Variants in FAM217B observed in about 807,000 individuals in gnomAD.
FAM217B encodes protein FAM217B.
For synonymous variants in FAM217B, 163 were observed against 173.0 expected (o/e 0.94, Z 0.45); for missense variants, 463 against 456.9 (o/e 1.01, Z -0.12).
rs565787231 is a variant in FAM217B at position 59,948,589 on chromosome 20, T to C, written c.*3494T>C. The C allele has an allele frequency of 1.2e-5, 2 of 167,210 alleles. No homozygotes were observed. Among genetic ancestry groups the C allele is most frequent in the South Asian group, 4.1e-4 (2 of 4,830 alleles). The allele number at this position is 167,210 out of a possible 1,614,324, so 10.4% of individuals were successfully genotyped here. A position where few individuals can be genotyped will look rare whatever the true frequency, so the allele number is the denominator to read the frequency against. ...TGCTGTTATATTGTATGTTTAGTTT[T>C]GTATGTGATAAACAGAATTGATGTA... On this transcript the variant is annotated 3_prime_UTR_variant, in exon 4 of 4. Coordinates refer to ENST00000360816, the MANE Select transcript of FAM217B (RefSeq NM_022106.3).
At chr20:59,939,498 C>T (rs2060884831), upstream of FAM217B, 1 of 1,612,248 alleles carries the variant, frequency 6.2e-7, no homozygotes, top group Non-Finnish European at 8.5e-7. Context: ...CAGGTCCTGG[C>T]TGCTGCAGCA....
In FAM217B at chr20:59,944,011, A is replaced by G. The variant is rs756950901; in HGVS notation, c.68A>G (p.Lys23Arg). 1.2e-6 allele frequency: 2 copies of G among 1,613,890 alleles called. No homozygotes were observed. Among genetic ancestry groups the G allele is most frequent in the Non-Finnish European group, 1.7e-6 (2 of 1,179,964 alleles). ...AATTCTTCAGGAAAAAGGCAGAGTA[A>G]ATCCCAAGTACCCCACGCTTCTTCC... ...SKNSSGKRQS[K>R]SQVPHASSQP... Residue 23 changes from lysine to arginine, a missense_variant, in exon 4 of 4, where the codon AAA becomes AGA. Coordinates refer to ENST00000360816, the MANE Select transcript of FAM217B (RefSeq NM_022106.3).
At chr20:59,939,867 CG>C (rs1378992413), upstream of FAM217B, 9 of 1,246,890 alleles carry the variant, frequency 7.2e-6, no homozygotes, top group Non-Finnish European at 7.0e-6. Flanking sequence ...GCTGAGGCTC[CG>C]GGGGCCGAGC....
At chr20:59,939,548 C>A (rs752897007), upstream of FAM217B, 1 of 1,611,714 alleles carries the variant, frequency 6.2e-7, no homozygotes, top group Admixed American at 1.7e-5. Flanking sequence ...GCACGTGCAG[C>A]GGCACGGACG....
At chr20:59,940,231 A>C (rs555246099), upstream of FAM217B, 1 of 269,536 alleles carries the variant, frequency 3.7e-6, no homozygotes, top group South Asian at 1.7e-4. Context: ...GCTTCCTTGG[A>C]GGTTCTTACA....
upstream of FAM217B, chr20:59,937,374 A>G (rs759527897): frequency 2.6e-5 from 4 of 152,658 alleles, no homozygotes; most frequent in Non-Finnish European, 5.9e-5. Context: ...TAATAGCCAG[A>G]GATTGTGCAA....
intron 1 of FAM217B, among the ~76,000 whole-genome samples, chr20:59,940,944 C>A (rs200203822): frequency 6.6e-6 from 1 of 152,320 alleles, no homozygotes; most frequent in East Asian, 1.9e-4. Flanking sequence ...AGTTATTACC[C>A]GCTGATGACT....
At position 59,944,535 on chromosome 20, in the gene FAM217B, T is replaced by C; in HGVS notation, c.592T>C (p.Cys198Arg). The C allele has an allele frequency of 6.2e-7, 1 of 1,613,708 alleles. No individual in the cohort carries two copies. Among genetic ancestry groups the C allele is most frequent in the Non-Finnish European group, 8.5e-7 (1 of 1,179,942 alleles). The stretch of plus-strand genomic sequence containing the variant: ...GTGGCTGCAAGTCCAGACTGTACAG[T>C]GTGAAAAAGCAAAGGGGGGCAAAGC... ...LEWLQVQTVQCEKAKGGKARP... is the reference protein window; with the variant it reads ...LEWLQVQTVQREKAKGGKARP... Residue 198 changes from cysteine (C) to arginine (R), a missense_variant, in exon 4 of 4, where the codon TGT (cysteine) becomes CGT (arginine). Coordinates refer to ENST00000360816, the MANE Select transcript of FAM217B (RefSeq NM_022106.3).
chr20:59,942,676 A>G (rs1052846980), intron 3 of FAM217B, among the ~76,000 whole-genome samples, 164 bp downstream of exon 3: 3 of 152,176 alleles, frequency 2.0e-5, no homozygotes, highest in African/African-American at 4.8e-5. Context: ...TAAGCATAAT[A>G]GTGGATAAGG....
Position 59,947,687 on chromosome 20 carries a change from C to A in FAM217B, c.*2592C>A, listed in dbSNP as rs548742372. ...TTCTGCCTCAGATTGACTATTTTAACCAATATTGTCACGACTAGATCATAG... is the reference window on the plus strand; with the variant it reads ...TTCTGCCTCAGATTGACTATTTTAAACAATATTGTCACGACTAGATCATAG... On this transcript the variant is annotated 3_prime_UTR_variant, in exon 4 of 4. Coordinates refer to ENST00000360816, the MANE Select transcript of FAM217B (RefSeq NM_022106.3). 1.2e-5 allele frequency: 2 copies of A among 167,064 alleles called. No individual in the cohort carries two copies. The highest frequency in any genetic ancestry group is 4.1e-4 in the South Asian group (2 of 4,826). 10.3% of individuals were successfully genotyped at this position (167,064 alleles called of 1,614,324 possible). A position where few individuals can be genotyped will look rare whatever the true frequency, so the allele number is the denominator to read the frequency against.
At chr20:59,939,847 C>A, upstream of FAM217B, 11 of 1,243,764 alleles carry the variant, frequency 8.8e-6, 1 homozygote, top group South Asian at 7.7e-5. Flanking sequence ...CCGTCCAGGT[C>A]CGACAGGCAG....
upstream of FAM217B, chr20:59,939,466 C>G: frequency 6.2e-7 from 1 of 1,612,024 alleles, no homozygotes; most frequent in Non-Finnish European, 8.5e-7. Flanking sequence ...AAATCGGGCA[C>G]CAGGCAATGC....
chr20:59,939,471 C>T (rs769836216), upstream of FAM217B: 1 of 1,612,100 alleles, frequency 6.2e-7, no homozygotes, highest in Non-Finnish European at 8.5e-7. Context: ...GGGCACCAGG[C>T]AATGCAGGGT....
rs1209992023 is a variant in FAM217B, at chr20:59,948,561, A to G, written c.*3466A>G. 1.8e-5 allele frequency: 3 copies of G among 166,924 alleles called. No individual in the cohort carries two copies. The highest frequency in any genetic ancestry group is 3.8e-4 in the East Asian group (2 of 5,196). The allele number at this position is 166,924 out of a possible 1,614,324, so 10.3% of individuals were successfully genotyped here. A position where few individuals can be genotyped will look rare whatever the true frequency, so the allele number is the denominator to read the frequency against. The stretch of plus-strand genomic sequence containing the variant: ...CTTGAAAATATTCAGCATGTTTGTT[A>G]TTTGCTGTTATATTGTATGTTTAGT... On this transcript the variant is annotated 3_prime_UTR_variant, in exon 4 of 4. Transcript: ENST00000360816.
At position 59,944,654 on chromosome 20, in the gene FAM217B, C is replaced by G. The variant is rs752803450; in HGVS notation, c.711C>G (p.His237Gln). The change falls in exon 4 of 4, where the codon CAC (histidine) becomes CAG (glutamine). Residue 237 changes from histidine (H) to glutamine (Q), a missense_variant. Transcript: ENST00000360816. ...GTGCTCTGTCCAAGCCACTACCTCA[C>G]CAGGAAGGGGCTTCAAAGTCAGGCC... is the stretch of plus-strand genomic sequence containing the variant. ...IASALSKPLP[H>Q]QEGASKSGPS... The G allele has an allele frequency of 1.8e-5, 29 of 1,613,970 alleles. No homozygotes were observed. Among genetic ancestry groups the G allele is most frequent in the Non-Finnish European group, 2.4e-5 (28 of 1,180,026 alleles).
chr20:59,936,552 A>G (rs1328725255), upstream of FAM217B: 1 of 152,246 alleles, frequency 6.6e-6, no homozygotes, highest in African/African-American at 2.4e-5. Flanking sequence ...TACATTAATG[A>G]TCACATTCCC....
rs573258653 is a variant in FAM217B at position 59,944,207 on chromosome 20, T to G, written c.264T>G (p.Asn88Lys). 1 of 1,614,182 alleles carries G rather than the reference T, an allele frequency of 6.2e-7. No individual in the cohort carries two copies. Among genetic ancestry groups the G allele is most frequent in the South Asian group, 1.1e-5 (1 of 91,070 alleles). Residue 88 changes from asparagine (N) to lysine (K), a missense_variant, in exon 4 of 4, where the codon AAT (asparagine) becomes AAG (lysine). Coordinates refer to ENST00000360816, the MANE Select transcript of FAM217B (RefSeq NM_022106.3). ...AGTCAATGAAAATTATTAAAGAGAA[T>G]GCTGATGAGGACAGTGCAAGTGATC... Reference protein sequence around the residue: ...DFQSMKIIKENADEDSASDLS... With the variant: ...DFQSMKIIKEKADEDSASDLS...
At chr20:59,943,835 T>C (rs1243388383) in intron 3 of FAM217B, 105 bp from the exon 4 acceptor site, 3 of 952,814 alleles carry the variant, frequency 3.1e-6, no homozygotes, top group Non-Finnish European at 4.6e-6. Context: ...TACTAATAGC[T>C]GAGACAAAAA....
rs1454886468 is a variant in FAM217B at position 59,940,525 on chromosome 20, T to C, written c.-213T>C. 1.3e-5 allele frequency: 2 copies of C among 152,212 alleles called. No individual in the cohort carries two copies. The highest frequency in any genetic ancestry group is 2.9e-5 in the Non-Finnish European group (2 of 68,026). 9.4% of individuals were successfully genotyped at this position (152,212 alleles called of 1,614,324 possible). A position where few individuals can be genotyped will look rare whatever the true frequency, so the allele number is the denominator to read the frequency against. ...CAGCCTCGTCACGTGTCCGCTGCAG[T>C]CGCGAAACAGGTCTGATCAATTTCT... On this transcript the variant is annotated 5_prime_UTR_variant, in exon 1 of 4. Transcript: ENST00000360816.
Sources: allele counts gnomAD v4.1 joint callset (sites outside exome capture counted in the v4.1 genomes callset), GRCh38; gene constraint gnomAD v4.1.1; transcripts MANE v1.5; gene names NCBI Gene and HGNC (gene_info 2026-07-23, HGNC 2026-07-21).